The following ALMS1 variants were observed in gnomAD, a reference collection of about 807,000 sequenced individuals.
ALMS1 encodes ALMS1 centrosome and basal body associated protein.
A neutral mutation model predicts 352.2 loss-of-function variants in ALMS1; 271 were observed. That is an observed-to-expected ratio of 0.77 (90% CI 0.70 to 0.85). The LOEUF (loss-of-function observed/expected upper bound fraction) is 0.85, where lower values mean the gene tolerates loss of function less well. Ranked by LOEUF, ALMS1 falls within the 40% of genes least tolerant of loss-of-function variation. The pLI is 0.00. For missense variants in ALMS1, 5,445 were observed against 4,870.7 expected, an observed-to-expected ratio of 1.12 and a Z score of -3.51; for synonymous variants, 1,865 against 1,761.2, an observed-to-expected ratio of 1.06 and a Z score of -1.48.
At chr2:73,564,483 A>G (rs1317560054) in intron 15 of ALMS1, among the ~76,000 whole-genome samples, 1 of 151,990 alleles carries the variant, frequency 6.6e-6, no homozygotes, top group African/African-American at 2.4e-5. Context: ...AAAAAAAAAA[A>G]AAAATCAAAC....
intron 2 of ALMS1, among the ~76,000 whole-genome samples, chr2:73,414,969 C>T (rs188793398): frequency 2.6e-4 from 39 of 152,254 alleles, no homozygotes; most frequent in African/African-American, 8.7e-4. Context: ...TGTCTTACCC[C>T]CATACCCCTA....
chr2:73,580,632 G>A (rs1459748640), intron 16 of ALMS1, among the ~76,000 whole-genome samples: 2 of 152,054 alleles, frequency 1.3e-5, no homozygotes, highest in African/African-American at 2.4e-5. Flanking sequence ...TTCTTTTCAT[G>A]CCTCATAATG....
At chr2:73,591,921 A>G (rs1161889306) in intron 16 of ALMS1, among the ~76,000 whole-genome samples, 2 of 152,154 alleles carry the variant, frequency 1.3e-5, no homozygotes, top group Non-Finnish European at 2.9e-5. Flanking sequence ...GAGTTAATTG[A>G]GTGTTTTAGC....
chr2:73,507,695 A>G (rs544526982), intron 10 of ALMS1, among the ~76,000 whole-genome samples: 2 of 152,068 alleles, frequency 1.3e-5, no homozygotes, highest in Admixed American at 6.5e-5. Flanking sequence ...CTAGTGGTCT[A>G]TCTATTTTGT....
At chr2:73,556,113 T>G (rs1445710088) in intron 13 of ALMS1, among the ~76,000 whole-genome samples, 2 of 152,232 alleles carry the variant, frequency 1.3e-5, no homozygotes, top group African/African-American at 4.8e-5. Flanking sequence ...TTTTATTTCT[T>G]AAGCTCTATG....
chr2:73,475,376 G>A (rs896441450), intron 9 of ALMS1, among the ~76,000 whole-genome samples: 4 of 152,028 alleles, frequency 2.6e-5, no homozygotes, highest in African/African-American at 4.8e-5. Flanking sequence ...GTTTCTCCAC[G>A]TCCTTTCCAA....
At chr2:73,597,112 T>C (rs979019879) in intron 16 of ALMS1, among the ~76,000 whole-genome samples, 1 of 152,262 alleles carries the variant, frequency 6.6e-6, no homozygotes, top group South Asian at 2.1e-4. Context: ...AGCAATGTTT[T>C]CTAGTTTTTA....
chr2:73,405,282 T>A (rs1406597428), intron 1 of ALMS1, among the ~76,000 whole-genome samples: 1 of 152,118 alleles, frequency 6.6e-6, no homozygotes, highest in African/African-American at 2.4e-5. Context: ...CTGTTGAGAT[T>A]TTCTTATTTT....
chr2:73,406,159 T>C (rs1012530081), intron 1 of ALMS1, among the ~76,000 whole-genome samples: 11 of 152,208 alleles, frequency 7.2e-5, no homozygotes, highest in Non-Finnish European at 1.2e-4. Flanking sequence ...TTTATCAATG[T>C]TTGCTTTAAG....
rs76937313 is a variant in ALMS1 at position 73,409,485 on chromosome 2, A to G, written c.450+738A>G. On this transcript the variant is annotated intron_variant, in intron 2 of 22. Coordinates refer to ENST00000613296, the MANE Select transcript of ALMS1 (RefSeq NM_001378454.1). ...ATGTGGATTATCTATATAGATATTT[A>G]GCATACAAGAAATTAAAACATTTAA... 9.8e-3 allele frequency among the ~76,000 whole-genome samples: 1,494 copies of G among 152,294 alleles called. 28 individuals carry two copies. Among genetic ancestry groups the G allele is most frequent in the African/African-American group, 0.034 (1,402 of 41,560 alleles).
chr2:73,553,996 T>G (rs770816739), intron 13 of ALMS1, among the ~76,000 whole-genome samples: 6 of 152,138 alleles, frequency 3.9e-5, no homozygotes, highest in Non-Finnish European at 5.9e-5. Flanking sequence ...CTAAAGAAGT[T>G]GAAAATGGTA....
At chr2:73,404,727 A>G (rs1296120874) in intron 1 of ALMS1, among the ~76,000 whole-genome samples, 1 of 151,792 alleles carries the variant, frequency 6.6e-6, no homozygotes, top group East Asian at 1.9e-4. Flanking sequence ...ATACTGGTTT[A>G]TAGTCTTCTA....
Position 73,601,363 on chromosome 2 carries a change from G to A in ALMS1, c.12041G>A (p.Arg4014Gln), listed in dbSNP as rs768365250. ...QNCQGQHLDG[R>Q]GYLAGPGREA... The stretch of plus-strand genomic sequence containing the variant: ...TGTCAGGGGCAGCACCTGGACGGTC[G>A]GGGCTACCTGGCAGGCCCAGGCAGA... Residue 4014 changes from arginine (R) to glutamine (Q), a missense_variant, in exon 19 of 23, where the codon CGG (arginine) becomes CAG (glutamine). Arg to Gln is a conservative substitution (Grantham distance 43). Coordinates refer to ENST00000613296, the MANE Select transcript of ALMS1 (RefSeq NM_001378454.1). The A allele has an allele frequency of 4.3e-6, 7 of 1,614,200 alleles. No individual in the cohort carries two copies. The South Asian group carries it at 4.4e-5, about 10-fold the overall frequency.
chr2:73,540,459 A>G (rs1225569074), intron 12 of ALMS1, among the ~76,000 whole-genome samples: 1 of 152,184 alleles, frequency 6.6e-6, no homozygotes, highest in Non-Finnish European at 1.5e-5. Context: ...AAACTTCATC[A>G]ATCAACTAAC....
Position 73,572,442 on chromosome 2 carries a change from A to G in ALMS1, c.10565A>G (p.His3522Arg). ...TTCTTTCAGCATCATCCAGACAAAC[A>G]TAGAGAACACATGTGTCTTCCTCTT... ...KDFFQHHPDK[H>R]REHMCLPLPY... The change falls in exon 16 of 23, where the codon CAT (histidine) becomes CGT (arginine). Residue 3522 changes from histidine to arginine, a missense_variant. By Grantham distance (29) the His-to-Arg change is conservative. Transcript: ENST00000613296. 1 of 1,613,962 alleles carries G rather than the reference A, an allele frequency of 6.2e-7. No homozygotes were observed.
intron 2 of ALMS1, among the ~76,000 whole-genome samples, chr2:73,411,859 TCTC>T (rs1558634423): frequency 6.6e-6 from 1 of 152,162 alleles, no homozygotes; most frequent in African/African-American, 2.4e-5. Context: ...CTTCCAGTCT[TCTC>T]CTACCTGTAT....
intron 16 of ALMS1, among the ~76,000 whole-genome samples, chr2:73,576,924 G>GT (rs1675067123): frequency 6.6e-6 from 1 of 151,762 alleles, no homozygotes; most frequent in South Asian, 2.1e-4. Context: ...TGCCTGGCCT[G>GT]TTTTTTTCTT....
At chr2:73,521,699 G>A (rs1047829688) in intron 11 of ALMS1, among the ~76,000 whole-genome samples, 6 of 151,650 alleles carry the variant, frequency 4.0e-5, no homozygotes, top group African/African-American at 7.2e-5. Context: ...GCAGTGAGCC[G>A]AGATCGTGCC....
chr2:73,555,520 T>C (rs1019799645), intron 13 of ALMS1, among the ~76,000 whole-genome samples: 2 of 152,200 alleles, frequency 1.3e-5, no homozygotes, highest in Non-Finnish European at 2.9e-5. Context: ...ATTTAGATGG[T>C]CTGTCCTTAT....
Sources: gnomAD v4.1 joint callset for allele counts (sites outside exome capture counted in the v4.1 genomes callset) on GRCh38, gnomAD v4.1.1 for gene constraint, MANE v1.5 for transcripts, NCBI Gene and HGNC (gene_info 2026-07-23, HGNC 2026-07-21) for gene names.